REEP1: variants seen among roughly 807,000 people sequenced by gnomAD.
The protein encoded by REEP1 is receptor accessory protein 1.
Under a neutral mutation model 40.3 loss-of-function variants are expected in REEP1, and 22 were observed. That is an observed-to-expected ratio of 0.55 (90% CI 0.39 to 0.78). The LOEUF (loss-of-function observed/expected upper bound fraction) is 0.78, where lower values mean the gene tolerates loss of function less well. Among genes scored for constraint, REEP1 ranks in the 30% least tolerant of loss-of-function variants. REEP1 has a pLI of 0.00. For missense variants in REEP1, 280 were observed against 361.1 expected, an observed-to-expected ratio of 0.78 and a Z score of 1.82; for synonymous variants, 116 against 139.2, an observed-to-expected ratio of 0.83 and a Z score of 1.17.
At chr2:86,251,653 C>A (rs1300424765) in intron 5 of REEP1, 1 of 421,966 alleles carries the variant, frequency 2.4e-6, no homozygotes, top group African/African-American at 2.0e-5. Context: ...GTTAGAAATT[C>A]TATTATTTTC....
At chr2:86,269,604 A>T in intron 2 of REEP1, among the ~76,000 whole-genome samples, 1 of 152,196 alleles carries the variant, frequency 6.6e-6, no homozygotes, top group East Asian at 1.9e-4. Context: ...ACTGGATTAT[A>T]AGCCAAAAAT....
At chr2:86,319,796 C>A (rs1178314619) in intron 1 of REEP1, among the ~76,000 whole-genome samples, 1 of 152,138 alleles carries the variant, frequency 6.6e-6, no homozygotes, top group East Asian at 1.9e-4. Context: ...GGCCCCTAAT[C>A]CAATATGACT....
Position 86,260,028 on chromosome 2 carries a change from G to A in REEP1, c.182+3937C>T, listed in dbSNP as rs375817626. On this transcript the variant is annotated intron_variant, in intron 3 of 8. Coordinates refer to ENST00000538924, the MANE Select transcript of REEP1 (RefSeq NM_001371279.1). ...AATAGTAAAGAATGCTCAGAGCTGCGGAGATGGTGCCCATGTGCTTGGAAG... is the reference window on the plus strand; with the variant it reads ...AATAGTAAAGAATGCTCAGAGCTGCAGAGATGGTGCCCATGTGCTTGGAAG... Among the ~76,000 whole-genome samples, 286 of 152,270 alleles carry A rather than the reference G, an allele frequency of 1.9e-3. 9 individuals carry two copies. The South Asian group carries it at 0.057, about 31-fold the overall frequency.
At chr2:86,305,798 C>T (rs1158792865) in intron 1 of REEP1, among the ~76,000 whole-genome samples, 1 of 152,164 alleles carries the variant, frequency 6.6e-6, no homozygotes, top group African/African-American at 2.4e-5. Flanking sequence ...CCTTATTACT[C>T]TCACAACTCC....
chr2:86,290,985 A>C (rs567046942), intron 1 of REEP1, among the ~76,000 whole-genome samples: 1 of 152,350 alleles, frequency 6.6e-6, no homozygotes, highest in East Asian at 1.9e-4. Context: ...ATTGTGACTT[A>C]TAAGCCATTT....
chr2:86,311,464 C>T (rs569059653), intron 1 of REEP1, among the ~76,000 whole-genome samples: 1 of 152,158 alleles, frequency 6.6e-6, no homozygotes. Context: ...ATCATGAGGG[C>T]CACGTTCCCT....
At chr2:86,321,277 G>T (rs1680262146) in intron 1 of REEP1, among the ~76,000 whole-genome samples, 1 of 152,142 alleles carries the variant, frequency 6.6e-6, no homozygotes, top group African/African-American at 2.4e-5. Context: ...AAATAATATT[G>T]ATCTGAAAAG....
chr2:86,251,775 G>T (rs938510497), intron 5 of REEP1, 182 bp downstream of exon 5: 2 of 666,610 alleles, frequency 3.0e-6, no homozygotes, highest in Non-Finnish European at 2.7e-6. Context: ...ATGTGTGTTG[G>T]GGGGTGAGAA....
chr2:86,310,558 C>T (rs1419010232), intron 1 of REEP1, among the ~76,000 whole-genome samples: 2 of 152,180 alleles, frequency 1.3e-5, no homozygotes, highest in Admixed American at 6.6e-5. Context: ...CAATGCATAA[C>T]TGTATATAGA....
At position 86,234,998 on chromosome 2, in the gene REEP1, T is replaced by A. The variant is rs551642327; in HGVS notation, c.418-2196A>T. Among the ~76,000 whole-genome samples, 274 of 152,368 alleles carry A rather than the reference T, an allele frequency of 1.8e-3. 2 individuals are homozygous for A. The highest frequency in any genetic ancestry group is 6.0e-3 in the African/African-American group (250 of 41,594). ...GAGTGAGAAAATATTCTGCTAATTA[T>A]AAGTGAGTAACTCAATGTTAGGTTA... On this transcript the variant is annotated intron_variant, in intron 5 of 8. Transcript: ENST00000538924.
intron 2 of REEP1, among the ~76,000 whole-genome samples, chr2:86,271,949 G>A (rs143574493): frequency 0.02 from 3,111 of 152,304 alleles, 64 homozygotes; most frequent in Non-Finnish European, 0.032. Flanking sequence ...TTGGCCAGGC[G>A]TGGTGGGTCA....
At chr2:86,324,728 A>G (rs1680423824) in intron 1 of REEP1, among the ~76,000 whole-genome samples, 1 of 152,148 alleles carries the variant, frequency 6.6e-6, no homozygotes, top group Non-Finnish European at 1.5e-5. Flanking sequence ...AACTTAATTT[A>G]TGTTATCAAG....
intron 1 of REEP1, among the ~76,000 whole-genome samples, chr2:86,316,660 A>C (rs1212962006): frequency 3.9e-5 from 6 of 152,102 alleles, no homozygotes; most frequent in African/African-American, 1.4e-4. Context: ...GGAGTTCGAG[A>C]CCAGCCTGGC....
intron 8 of REEP1, 97 bp from the exon 9 acceptor site, chr2:86,217,207 C>T: frequency 9.5e-7 from 1 of 1,052,232 alleles, no homozygotes. Context: ...ACTTCCAGCT[C>T]CTTTGGCCAA....
At chr2:86,249,733 T>C (rs1676164861) in intron 5 of REEP1, among the ~76,000 whole-genome samples, 1 of 152,224 alleles carries the variant, frequency 6.6e-6, no homozygotes, top group South Asian at 2.1e-4. Flanking sequence ...ACTGTTGCTA[T>C]GGAAACCACT....
intron 1 of REEP1, among the ~76,000 whole-genome samples, chr2:86,324,140 G>GAA (rs144147803): frequency 1.4e-5 from 2 of 146,570 alleles, no homozygotes; most frequent in African/African-American, 5.0e-5. Flanking sequence ...AACTATAAAC[G>GAA]AAAAAAAAAA....
intron 5 of REEP1, among the ~76,000 whole-genome samples, chr2:86,236,398 G>A (rs1675326081): frequency 6.6e-6 from 1 of 152,112 alleles, no homozygotes; most frequent in Non-Finnish European, 1.5e-5. Flanking sequence ...ACCACGAGTT[G>A]TTCATTGGTA....
At chr2:86,310,496 A>C (rs761098736) in intron 1 of REEP1, among the ~76,000 whole-genome samples, 8 of 152,178 alleles carry the variant, frequency 5.3e-5, no homozygotes, top group Non-Finnish European at 8.8e-5. Flanking sequence ...TGTTCACACA[A>C]TGAAAAAATC....
chr2:86,305,946 C>T (rs1224674840), intron 1 of REEP1, among the ~76,000 whole-genome samples: 5 of 152,180 alleles, frequency 3.3e-5, no homozygotes, highest in Non-Finnish European at 7.3e-5. Flanking sequence ...CTGCTCGTAA[C>T]CTTTGGCTAT....
Sources: allele counts gnomAD v4.1 joint callset (sites outside exome capture counted in the v4.1 genomes callset), GRCh38; gene constraint gnomAD v4.1.1; transcripts MANE v1.5; gene names NCBI Gene and HGNC (gene_info 2026-07-23, HGNC 2026-07-21).